Variants in GALNTL6 observed in about 807,000 individuals in gnomAD.
GALNTL6 encodes polypeptide N-acetylgalactosaminyltransferase like 6, also known as polypeptide N-acetylgalactosaminyltransferase-like 6.
A neutral mutation model predicts 73.7 loss-of-function variants in GALNTL6; 46 were observed. The observed-to-expected ratio is 0.62, with a 90% CI of 0.49 to 0.80. GALNTL6 has a LOEUF of 0.80. GALNTL6 is among the 30% of genes least tolerant of loss of function. The pLI is 0.00. For synonymous variants in GALNTL6, 259 were observed against 263.7 expected, an observed-to-expected ratio of 0.98 and a Z score of 0.17; for missense variants, 604 against 755.0, an observed-to-expected ratio of 0.80 and a Z score of 2.34.
At chr4:172,804,357 G>A (rs140403411) in intron 5 of GALNTL6, among the ~76,000 whole-genome samples, 95 of 152,206 alleles carry the variant, frequency 6.2e-4, no homozygotes, top group Middle Eastern at 6.8e-3. Context: ...AATAACTAGC[G>A]TATATTCTAC....
chr4:172,192,323 T>A (rs777271050), intron 2 of GALNTL6, among the ~76,000 whole-genome samples: 23 of 152,034 alleles, frequency 1.5e-4, no homozygotes, highest in Non-Finnish European at 2.8e-4. Context: ...AAAAAAATTT[T>A]AAAGGCCTGA....
intron 10 of GALNTL6, among the ~76,000 whole-genome samples, chr4:172,957,308 A>G (rs921246451): frequency 2.0e-5 from 3 of 152,156 alleles, no homozygotes; most frequent in African/African-American, 7.2e-5. Flanking sequence ...TGTAACCTAC[A>G]TGGAAGAGGT....
At chr4:172,332,887 C>T (rs1224957223) in intron 4 of GALNTL6, among the ~76,000 whole-genome samples, 7 of 152,090 alleles carry the variant, frequency 4.6e-5, no homozygotes, top group Admixed American at 4.6e-4. Flanking sequence ...ATACTGTTTT[C>T]CATGCTGACT....
At chr4:172,100,367 G>A (rs67840347) in intron 2 of GALNTL6, among the ~76,000 whole-genome samples, 9,111 of 152,120 alleles carry the variant, frequency 0.06, 456 homozygotes, top group African/African-American at 0.14. Context: ...CTGAGTTTCA[G>A]TTGCATAGTA....
At chr4:172,493,005 T>A (rs1733949885) in intron 5 of GALNTL6, among the ~76,000 whole-genome samples, 1 of 152,152 alleles carries the variant, frequency 6.6e-6, no homozygotes, top group Admixed American at 6.6e-5. Context: ...AAGACACATA[T>A]CTAACTTACT....
rs188206118 is a variant in GALNTL6, at chr4:172,912,316, G to A, written c.1042-18845G>A. On this transcript the variant is annotated intron_variant, in intron 8 of 12. Transcript: ENST00000506823. ...TCCCAGTGTCAGCAACGCAGAAGACGGGTGATTTCTGCATTTCCAACTGAG... is the reference window on the plus strand; with the variant it reads ...TCCCAGTGTCAGCAACGCAGAAGACAGGTGATTTCTGCATTTCCAACTGAG... Among the ~76,000 whole-genome samples, 37 of 152,262 alleles carry A rather than the reference G, an allele frequency of 2.4e-4. No homozygotes were observed. The East Asian group carries it at 4.6e-3, about 19-fold the overall frequency.
chr4:171,857,979 G>T (rs146174576), intron 2 of GALNTL6, among the ~76,000 whole-genome samples: 1 of 152,098 alleles, frequency 6.6e-6, no homozygotes, highest in Admixed American at 6.6e-5. Context: ...GAAAGACATC[G>T]GTGCTTAGAT....
intron 2 of GALNTL6, among the ~76,000 whole-genome samples, chr4:171,880,374 G>A (rs542179123): frequency 5.3e-5 from 8 of 152,306 alleles, no homozygotes; most frequent in African/African-American, 7.2e-5. Context: ...TGAGAAAGCC[G>A]ATCACAGGGT....
chr4:172,252,220 G>T (rs1051336874), intron 3 of GALNTL6, among the ~76,000 whole-genome samples: 2 of 152,130 alleles, frequency 1.3e-5, no homozygotes, highest in Non-Finnish European at 2.9e-5. Context: ...TTTTTAAAAA[G>T]ACACAGCTTA....
chr4:171,830,994 G>C (rs1734955497), intron 2 of GALNTL6, among the ~76,000 whole-genome samples: 1 of 152,056 alleles, frequency 6.6e-6, no homozygotes, highest in Non-Finnish European at 1.5e-5. Context: ...GGTTGACTGA[G>C]TTCATTAATA....
At chr4:172,553,146 G>C (rs1736025583) in intron 5 of GALNTL6, among the ~76,000 whole-genome samples, 1 of 152,050 alleles carries the variant, frequency 6.6e-6, no homozygotes, top group Non-Finnish European at 1.5e-5. Flanking sequence ...GCCAATATTT[G>C]GTTTTCTGGC....
At chr4:172,340,067 G>T (rs965683804) in intron 4 of GALNTL6, among the ~76,000 whole-genome samples, 1 of 152,058 alleles carries the variant, frequency 6.6e-6, no homozygotes, top group Non-Finnish European at 1.5e-5. Context: ...TCTTTGTCTT[G>T]TTCCTGATCT....
intron 2 of GALNTL6, among the ~76,000 whole-genome samples, chr4:172,037,870 C>T (rs1049116168): frequency 6.6e-6 from 1 of 152,132 alleles, no homozygotes; most frequent in Non-Finnish European, 1.5e-5. Context: ...GTAATCCCAG[C>T]ACTTTGGGAG....
chr4:172,374,479 A>G (rs1476235349), intron 5 of GALNTL6, among the ~76,000 whole-genome samples: 1 of 152,192 alleles, frequency 6.6e-6, no homozygotes, highest in Non-Finnish European at 1.5e-5. Context: ...ACAGGGGAGT[A>G]TATTTTCTTA....
At chr4:172,004,193 A>C (rs531249447) in intron 2 of GALNTL6, among the ~76,000 whole-genome samples, 1 of 152,282 alleles carries the variant, frequency 6.6e-6, no homozygotes, top group African/African-American at 2.4e-5. Flanking sequence ...CTAACTGCAA[A>C]GAGTTATTAA....
chr4:172,561,718 G>A (rs1736375669), intron 5 of GALNTL6, among the ~76,000 whole-genome samples: 2 of 152,120 alleles, frequency 1.3e-5, no homozygotes, highest in Non-Finnish European at 2.9e-5. Flanking sequence ...CACCTGGGAA[G>A]CCTCTTAAAA....
At chr4:172,795,037 T>C (rs1046136312) in intron 5 of GALNTL6, among the ~76,000 whole-genome samples, 1 of 152,152 alleles carries the variant, frequency 6.6e-6, no homozygotes, top group African/African-American at 2.4e-5. Flanking sequence ...GAAGCTGAAG[T>C]GGAGACTGCA....
At chr4:171,991,648 G>C (rs1231106762) in intron 2 of GALNTL6, among the ~76,000 whole-genome samples, 2 of 150,764 alleles carry the variant, frequency 1.3e-5, no homozygotes, top group Non-Finnish European at 3.0e-5. Context: ...GTATGTGAGA[G>C]GATTGATTAT....
intron 10 of GALNTL6, 33 bp from the exon 11 acceptor site, chr4:173,009,145 C>T (rs1275151172): frequency 7.2e-7 from 1 of 1,382,094 alleles, no homozygotes; most frequent in Non-Finnish European, 1.0e-6. Context: ...TACGACATAG[C>T]CCCACACTCA....
Sources: allele counts gnomAD v4.1 joint callset (sites outside exome capture counted in the v4.1 genomes callset), GRCh38; gene constraint gnomAD v4.1.1; transcripts MANE v1.5; gene names NCBI Gene and HGNC (gene_info 2026-07-23, HGNC 2026-07-21).